The following BET1 variants were observed in gnomAD, a reference collection of about 807,000 sequenced individuals.
BET1 encodes the protein BET1 homolog.
A neutral mutation model predicts 13.9 loss-of-function variants in BET1; 9 were observed. The observed-to-expected ratio is 0.65, with a 90% confidence interval of 0.39 to 1.13. The LOEUF (loss-of-function observed/expected upper bound fraction) is 1.13, where lower values mean the gene tolerates loss of function less well. Among genes scored for constraint, BET1 ranks in the 50% most tolerant of loss-of-function variants. The probability of loss-of-function intolerance (pLI) is 0.01; values close to 1 mark genes in which losing one functional copy is unlikely to be tolerated. For synonymous variants in BET1, 39 were observed against 47.3 expected (o/e 0.82, Z 0.72); for missense variants, 127 against 133.6 (o/e 0.95, Z 0.24).
downstream of BET1, chr7:93,992,345 C>G (rs1261884204): frequency 1.0e-6 from 1 of 985,242 alleles, no homozygotes; most frequent in Non-Finnish European, 1.2e-6. Flanking sequence ...CATAAAATAG[C>G]TAAACAATCC....
chr7:93,965,874 C>G (rs1229760625), intron 6 of BET1, among the ~76,000 whole-genome samples: 1 of 151,906 alleles, frequency 6.6e-6, no homozygotes, highest in Non-Finnish European at 1.5e-5. Flanking sequence ...GATAAGAAAA[C>G]AAGATAGACC....
chr7:93,996,152 G>A, intron 3 of BET1, 113 bp downstream of exon 3: 2 of 795,856 alleles, frequency 2.5e-6, no homozygotes, highest in African/African-American at 1.8e-5. Context: ...AGATACAAAT[G>A]GACGGGAATC....
chr7:93,990,968 C>G (rs1218899572), downstream of BET1, among the ~76,000 whole-genome samples: 1 of 151,944 alleles, frequency 6.6e-6, no homozygotes, highest in Non-Finnish European at 1.5e-5. Context: ...CTTTCCAAGG[C>G]TTGTGAAAAA....
chr7:93,994,999 A>C (rs1301424628), intron 3 of BET1, among the ~76,000 whole-genome samples: 1 of 151,148 alleles, frequency 6.6e-6, no homozygotes, highest in African/African-American at 2.5e-5. Flanking sequence ...GCACGCCACC[A>C]CGCCCAGCTA....
intron 1 of BET1, 88 bp downstream of exon 1, chr7:94,004,110 A>G: frequency 6.3e-7 from 1 of 1,590,480 alleles, no homozygotes; most frequent in Non-Finnish European, 8.6e-7. Context: ...ACCAAATGCC[A>G]GGAACATAAG....
chr7:93,999,171 G>A lies in BET1; in HGVS notation c.143C>T (p.Ser48Phe), dbSNP rs1445433008. Reference sequence around the variant, plus strand: ...ATATAATATTTGTTATATACTTACAGATTTTATAGCAGTTACTTTGCTTCT... The same window carrying A: ...ATATAATATTTGTTATATACTTACAAATTTTATAGCAGTTACTTTGCTTCT... ...SLRSKVTAIKSLSIEIGHEVK... is the reference protein window; with the variant it reads ...SLRSKVTAIKFLSIEIGHEVK... Residue 48 changes from serine to phenylalanine, a missense_variant and splice_region_variant, in exon 2 of 4, where the codon TCT becomes TTT. Ser to Phe is a radical substitution (Grantham distance 155). Coordinates refer to ENST00000222547, the MANE Select transcript of BET1 (RefSeq NM_005868.6). The A allele has an allele frequency of 6.2e-7, 1 of 1,608,046 alleles. No homozygotes were observed. The highest frequency in any genetic ancestry group is 8.5e-7 in the Non-Finnish European group (1 of 1,175,758).
chr7:93,973,588 C>A (rs114382600), intron 5 of BET1, among the ~76,000 whole-genome samples: 1 of 151,964 alleles, frequency 6.6e-6, no homozygotes, highest in African/African-American at 2.4e-5. Flanking sequence ...TGTATGCATA[C>A]AAACCATACA....
chr7:93,974,286 G>A (rs927946140), intron 5 of BET1, among the ~76,000 whole-genome samples: 2 of 151,920 alleles, frequency 1.3e-5, no homozygotes, highest in African/African-American at 2.4e-5. Flanking sequence ...TTCACTGACA[G>A]GTACTAAAAG....
In BET1 at chr7:93,996,299, T is replaced by G; in HGVS notation, c.167A>C (p.Glu56Ala). The change falls in exon 3 of 4, where the codon GAA (glutamate) becomes GCA (alanine). Residue 56 changes from glutamate to alanine, a missense_variant. Transcript: ENST00000222547. ...IKSLSIEIGH[E>A]VKTQNKLLAE... ...TAATAATTTATTCTGGGTTTTAACTTCATGGCCTATTTCAATGGAAAGCTA... is the reference window on the plus strand; with the variant it reads ...TAATAATTTATTCTGGGTTTTAACTGCATGGCCTATTTCAATGGAAAGCTA... 6.3e-7 allele frequency: 1 copy of G among 1,582,760 alleles called. No homozygotes were observed. The highest frequency in any genetic ancestry group is 2.3e-5 in the East Asian group (1 of 43,822).
chr7:93,971,133 T>C (rs55815314), intron 6 of BET1, among the ~76,000 whole-genome samples: 2,384 of 151,926 alleles, frequency 0.016, 70 homozygotes, highest in African/African-American at 0.054. Context: ...ATTCAATAGA[T>C]TAAAATATAT....
intron 4 of BET1, among the ~76,000 whole-genome samples, chr7:93,982,227 G>A (rs768671782): frequency 6.6e-6 from 1 of 152,004 alleles, no homozygotes; most frequent in Non-Finnish European, 1.5e-5. Flanking sequence ...TAGATATATA[G>A]ATCAGTCTAT....
downstream of BET1, among the ~76,000 whole-genome samples, chr7:93,988,294 AT>A (rs1425796877): frequency 1.3e-5 from 2 of 152,214 alleles, no homozygotes; most frequent in Non-Finnish European, 2.9e-5. Flanking sequence ...AGGAATTCAT[AT>A]CTCTAAAAGA....
downstream of BET1, among the ~76,000 whole-genome samples, chr7:93,988,384 T>C (rs1361809652): frequency 6.6e-6 from 1 of 152,170 alleles, no homozygotes; most frequent in Non-Finnish European, 1.5e-5. Context: ...TTAAAATTCC[T>C]CACTGGTGAA....
chr7:93,969,464 AAGT>A (rs1474876678), intron 6 of BET1: 1 of 151,808 alleles, frequency 6.6e-6, no homozygotes, highest in Admixed American at 6.6e-5. Context: ...TCAATTTAAC[AAGT>A]AAACTCACAT....
chr7:93,964,937 C>T (rs1220436224), exon 7 of BET1: 1 of 152,070 alleles, frequency 6.6e-6, no homozygotes, highest in Non-Finnish European at 1.5e-5. Flanking sequence ...TAATTTAAAA[C>T]AGAACTACCA....
exon 7 of BET1, chr7:93,964,650 G>A (rs892755416): frequency 2.3e-4 from 35 of 152,022 alleles, no homozygotes; most frequent in African/African-American, 8.4e-4. Flanking sequence ...TTAAAAGGTG[G>A]GTAAAGGATG....
intron 6 of BET1, chr7:93,969,534 C>CT (rs1279022519): frequency 6.6e-6 from 1 of 151,476 alleles, no homozygotes; most frequent in African/African-American, 2.4e-5. Context: ...AGATGCTGGA[C>CT]TTTTCCCCTA....
At chr7:94,000,495 G>A (rs1795876408) in intron 1 of BET1, 1 of 152,118 alleles carries the variant, frequency 6.6e-6, no homozygotes, top group Non-Finnish European at 1.5e-5. Flanking sequence ...TATACAGTAA[G>A]GAGAATGATG....
At chr7:93,989,922 T>C (rs548542740), downstream of BET1, among the ~76,000 whole-genome samples, 6 of 152,290 alleles carry the variant, frequency 3.9e-5, no homozygotes, top group South Asian at 8.3e-4. Flanking sequence ...AGTTTGTCTT[T>C]CAAGCAGTAA....
Sources: gnomAD v4.1 joint callset for allele counts (sites outside exome capture counted in the v4.1 genomes callset) on GRCh38, gnomAD v4.1.1 for gene constraint, MANE v1.5 for transcripts, NCBI Gene and HGNC (gene_info 2026-07-23, HGNC 2026-07-21) for gene names.